The following ZNF792 variants were observed in gnomAD, a reference collection of about 807,000 sequenced individuals.
ZNF792 encodes zinc finger protein 792.
Under a neutral mutation model 13.1 loss-of-function variants are expected in ZNF792, and 14 were observed. That is an observed-to-expected ratio of 1.07 (90% CI 0.71 to 1.67). The LOEUF is 1.67. Among genes scored for constraint, ZNF792 ranks in the 40% most tolerant of loss-of-function variants. ZNF792 has a pLI of 0.00. For missense variants in ZNF792, 740 were observed against 807.9 expected, an observed-to-expected ratio of 0.92 and a Z score of 1.02; for synonymous variants, 257 against 292.0, an observed-to-expected ratio of 0.88 and a Z score of 1.22.
rs1161078089 is a variant in ZNF792 at position 34,957,680 on chromosome 19, G to A, written c.*276C>T. 2.7e-6 allele frequency: 1 copy of A among 374,352 alleles called. No homozygotes were observed. The highest frequency in any genetic ancestry group is 4.8e-6 in the Non-Finnish European group (1 of 209,758). 23.2% of individuals were successfully genotyped at this position (374,352 alleles called of 1,614,324 possible). A position where few individuals can be genotyped will look rare whatever the true frequency, so the allele number is the denominator to read the frequency against. ...CCTGCTCAGGTCTTCACAGCCAAAA[G>A]CTGGTCATGTCCATGGCTAAACCAG... On this transcript the variant is annotated 3_prime_UTR_variant, in exon 4 of 4. Transcript: ENST00000404801.
rs1218913470 is a variant in ZNF792 at position 34,957,705 on chromosome 19, GC to G, written c.*250del. On this transcript the variant is annotated 3_prime_UTR_variant, in exon 4 of 4. Coordinates refer to ENST00000404801, the MANE Select transcript of ZNF792 (RefSeq NM_175872.5). ...GCTGGTCATGTCCATGGCTAAACCA[GC>G]CATACAGGGCGGGAATGACATCTTC... The G allele has an allele frequency of 2.4e-6, 1 of 424,280 alleles. No individual in the cohort carries two copies. Among genetic ancestry groups the G allele is most frequent in the African/African-American group, 2.0e-5 (1 of 49,418 alleles). 26.3% of individuals were successfully genotyped at this position (424,280 alleles called of 1,614,324 possible).
rs190617021 is a variant in ZNF792, at chr19:34,957,091, G to C, written c.*865C>G. 6.6e-6 allele frequency: 1 copy of C among 152,220 alleles called. No individual in the cohort carries two copies. Among genetic ancestry groups the C allele is most frequent in the Admixed American group, 6.5e-5 (1 of 15,284 alleles). The allele number at this position is 152,220 out of a possible 1,614,324, so 9.4% of individuals were successfully genotyped here. On this transcript the variant is annotated 3_prime_UTR_variant, in exon 4 of 4. Transcript: ENST00000404801. ...TGGGCCTGGTATGTCTTACAGTTAAGAGATACCTGCCTAATGCTGAACTTC... is the reference window on the plus strand; with the variant it reads ...TGGGCCTGGTATGTCTTACAGTTAACAGATACCTGCCTAATGCTGAACTTC...
intron 3 of ZNF792, among the ~76,000 whole-genome samples, chr19:34,959,920 G>A (rs2013500707): frequency 1.3e-5 from 2 of 152,226 alleles, no homozygotes; most frequent in Non-Finnish European, 2.9e-5. Flanking sequence ...ACCTGCAACT[G>A]AGTAGCTGGT....
At chr19:34,960,190 A>G in intron 3 of ZNF792, 45 bp downstream of exon 3, 5 of 1,603,078 alleles carry the variant, frequency 3.1e-6, no homozygotes, top group Non-Finnish European at 4.3e-6. Flanking sequence ...TGATGTAAAC[A>G]CAGTGGTGAA....
At position 34,959,522 on chromosome 19, in the gene ZNF792, A is replaced by G. The variant is rs1231074617; in HGVS notation, c.333T>C (p.Val111=). The change falls in exon 4 of 4, where the codon GTT becomes GTC. Residue 111 remains valine, a synonymous_variant. Coordinates refer to ENST00000404801, the MANE Select transcript of ZNF792 (RefSeq NM_175872.5). ...EGKDLPSEHN[V]SVEGVAQDRS... ...TGTCCTGTGCCACTCCTTCTACAGAAACGTTATGCTCAGAAGGTAAGTCCT... is the reference window on the plus strand; with the variant it reads ...TGTCCTGTGCCACTCCTTCTACAGAGACGTTATGCTCAGAAGGTAAGTCCT... 2 of 1,581,520 alleles carry G rather than the reference A, an allele frequency of 1.3e-6. No individual in the cohort carries two copies. The highest frequency in any genetic ancestry group is 1.8e-5 in the Admixed American group (1 of 55,600).
Position 34,960,157 on chromosome 19 carries a change from G to A in ZNF792, c.283+78C>T. On this transcript the variant is annotated intron_variant, in intron 3 of 3. Transcript: ENST00000404801. ...ACTGGCATTGGTATCAAATGATGATGAATAGGAGAGAAGATGCTGGTATGA... is the reference window on the plus strand; with the variant it reads ...ACTGGCATTGGTATCAAATGATGATAAATAGGAGAGAAGATGCTGGTATGA... 8 of 1,567,264 alleles carry A rather than the reference G, an allele frequency of 5.1e-6. No individual in the cohort carries two copies. The South Asian group carries it at 6.8e-5, about 13-fold the overall frequency.
rs2013506087 is a variant in ZNF792, at chr19:34,960,251, A to AGAGCCAGGCTCTGCT, written c.266_267insAGCAGAGCCTGGCTC (p.Tyr89delinsTer). The AGAGCCAGGCTCTGCT allele has an allele frequency of 6.2e-7, 1 of 1,613,920 alleles. No homozygotes were observed. Among genetic ancestry groups the AGAGCCAGGCTCTGCT allele is most frequent in the East Asian group, 2.2e-5 (1 of 44,876 alleles). On this transcript the variant is annotated stop_gained, in exon 3 of 4. Coordinates refer to ENST00000404801, the MANE Select transcript of ZNF792 (RefSeq NM_175872.5). LOFTEE classifies it low-confidence loss of function (END_TRUNC). ...GCTGCTTACCAGAGCCAGGCCTGCC[A>AGAGCCAGGCTCTGCT]TAAGCCCCTCTGGCCATGGCTGATG...
At chr19:34,962,269 A>G (rs2013540457) in intron 1 of ZNF792, among the ~76,000 whole-genome samples, 1 of 152,218 alleles carries the variant, frequency 6.6e-6, no homozygotes, top group Non-Finnish European at 1.5e-5. Context: ...GAGAAAAGCC[A>G]AGGCTACTTA....
At position 34,958,516 on chromosome 19, in the gene ZNF792, C is replaced by T. The variant is rs149296824; in HGVS notation, c.1339G>A (p.Glu447Lys). 120 of 1,591,634 alleles carry T rather than the reference C, an allele frequency of 7.5e-5. 1 individual carries two copies. Among genetic ancestry groups the T allele is most frequent in the Non-Finnish European group, 8.8e-5 (103 of 1,168,176 alleles). Residue 447 changes from glutamate to lysine, a missense_variant, in exon 4 of 4, where the codon GAG (glutamate) becomes AAG (lysine). Glu to Lys is a moderately conservative substitution (Grantham distance 56). Transcript: ENST00000404801. ...LIQHQIVHTG[E>K]RPHGCGECGK... is the part of the protein sequence containing the mutation. ...CACTCACCACACCCGTGAGGCCGCT[C>T]GCCAGTGTGAACTATCTGATGTTGA...
rs146425557 is a variant in ZNF792, at chr19:34,958,905, T to A, written c.950A>T (p.Lys317Ile). The A allele has an allele frequency of 5.0e-6, 8 of 1,613,818 alleles. No homozygotes were observed. Among genetic ancestry groups the A allele is most frequent in the Non-Finnish European group, 6.8e-6 (8 of 1,179,858 alleles). ...GKPYECCECGKFFSQHSSLVK... is the reference protein window; with the variant it reads ...GKPYECCECGIFFSQHSSLVK... Reference sequence around the variant, plus strand: ...AAGGCTGGAGTGCTGGCTGAAGAATTTTCCACATTCACAGCACTCATACGG... The same window carrying A: ...AAGGCTGGAGTGCTGGCTGAAGAATATTCCACATTCACAGCACTCATACGG... The change falls in exon 4 of 4, where the codon AAA (lysine) becomes ATA (isoleucine). Residue 317 changes from lysine (K) to isoleucine (I), a missense_variant. Lys to Ile is a moderately radical substitution (Grantham distance 102, BLOSUM62 -3). Transcript: ENST00000404801.
chr19:34,960,909 C>T lies in ZNF792; in HGVS notation c.119G>A (p.Cys40Tyr). 2 of 1,614,046 alleles carry T rather than the reference C, an allele frequency of 1.2e-6. No individual in the cohort carries two copies. The highest frequency in any genetic ancestry group is 1.7e-6 in the Non-Finnish European group (2 of 1,179,958). Residue 40 changes from cysteine to tyrosine, a missense_variant, in exon 2 of 4, where the codon TGC (cysteine) becomes TAC (tyrosine). Coordinates refer to ENST00000404801, the MANE Select transcript of ZNF792 (RefSeq NM_175872.5). ...LLDEAQRLLY[C>Y]DVMLENFALI... is the part of the protein sequence containing the mutation. ...TGCAAAGTTTTCCAGCATCACATCG[C>T]AGTACAGGAGTCTCTGAGCCTCATC...
rs1157671700 is a variant in ZNF792, at chr19:34,956,446, G to A, written c.*1510C>T. 4 of 152,134 alleles carry A rather than the reference G, an allele frequency of 2.6e-5. No homozygotes were observed. The highest frequency in any genetic ancestry group is 4.8e-5 in the African/African-American group (2 of 41,418). The allele number at this position is 152,134 out of a possible 1,614,324, so 9.4% of individuals were successfully genotyped here. A position where few individuals can be genotyped will look rare whatever the true frequency, so the allele number is the denominator to read the frequency against. ...AAATGTAAATCAACGGTTTCCTAGG[G>A]AAGGCAAGGAGGGAATGTAAAGGGG... On this transcript the variant is annotated 3_prime_UTR_variant, in exon 4 of 4. Coordinates refer to ENST00000404801, the MANE Select transcript of ZNF792 (RefSeq NM_175872.5).
At position 34,961,008 on chromosome 19, in the gene ZNF792, GA is replaced by G. The variant is rs760967772; in HGVS notation, c.34-15del. ...GGTCACGCAGCCCTGCCATGATGGG[GA>G]CAGTTCGTTCCATGATCAGTCTCTG... On this transcript the variant is annotated splice_polypyrimidine_tract_variant and intron_variant, in intron 1 of 3. Transcript: ENST00000404801. 6.2e-7 allele frequency: 1 copy of G among 1,608,326 alleles called. No individual in the cohort carries two copies. The highest frequency in any genetic ancestry group is 8.5e-7 in the Non-Finnish European group (1 of 1,176,490).
rs145626872 is a variant in ZNF792 at position 34,958,260 on chromosome 19, C to T, written c.1595G>A (p.Arg532Gln). The T allele has an allele frequency of 7.9e-5, 128 of 1,613,328 alleles. No homozygotes were observed. The African/African-American group carries it at 1.1e-3, about 13-fold the overall frequency. Residue 532 changes from arginine (R) to glutamine (Q), a missense_variant, in exon 4 of 4, where the codon CGG becomes CAG. Arg to Gln is a conservative substitution (Grantham distance 43). Coordinates refer to ENST00000404801, the MANE Select transcript of ZNF792 (RefSeq NM_175872.5). ...CCCACATTCGCTGCACTCATAAGGC[C>T]GCTCGCCGGTGTGAAGTCTCCGGTG... ...NNHRRLHTGE[R>Q]PYECSECGKT...
Position 34,963,715 on chromosome 19 carries a change from G to C in ZNF792, c.-53C>G. 2 of 1,523,020 alleles carry C rather than the reference G, an allele frequency of 1.3e-6. No individual in the cohort carries two copies. Among genetic ancestry groups the C allele is most frequent in the Non-Finnish European group, 1.8e-6 (2 of 1,137,426 alleles). 94.3% of individuals were successfully genotyped at this position (1,523,020 alleles called of 1,614,324 possible). On this transcript the variant is annotated 5_prime_UTR_variant, in exon 1 of 4. Coordinates refer to ENST00000404801, the MANE Select transcript of ZNF792 (RefSeq NM_175872.5). ...ACGGTGCGGGAAACCACGGGGCGGG[G>C]GTAGGGGGTCTCGCAGGCTGAGGCT... is the stretch of plus-strand genomic sequence containing the variant.
Position 34,957,298 on chromosome 19 carries a change from T to C in ZNF792, c.*658A>G, listed in dbSNP as rs1054986199. Reference sequence around the variant, plus strand: ...CATTCAGACCACAATATTATACCCATAAATTCCTACAATTTTTCCTAGGAG... The same window carrying C: ...CATTCAGACCACAATATTATACCCACAAATTCCTACAATTTTTCCTAGGAG... On this transcript the variant is annotated 3_prime_UTR_variant, in exon 4 of 4. Transcript: ENST00000404801. 3 of 152,180 alleles carry C rather than the reference T, an allele frequency of 2.0e-5. No homozygotes were observed. Among genetic ancestry groups the C allele is most frequent in the African/African-American group, 4.8e-5 (2 of 41,436 alleles). The allele number at this position is 152,180 out of a possible 1,614,324, so 9.4% of individuals were successfully genotyped here.
In ZNF792 at chr19:34,958,429, G is replaced by A. The variant is rs781129694; in HGVS notation, c.1426C>T (p.Arg476Trp). Residue 476 changes from arginine to tryptophan, a missense_variant, in exon 4 of 4, where the codon CGG becomes TGG. Physicochemically the swap from Arg to Trp is moderately radical, Grantham distance 101. Coordinates refer to ENST00000404801, the MANE Select transcript of ZNF792 (RefSeq NM_175872.5). The stretch of plus-strand genomic sequence containing the variant: ...CCACATTCATTGCATTCATAAGGCC[G>A]CTCACCAGTGTGAACTCGCTGATGT... ...MKHQRVHTGE[R>W]PYECNECGKL... 1.7e-5 allele frequency: 27 copies of A among 1,610,516 alleles called. No individual in the cohort carries two copies. Among genetic ancestry groups the A allele is most frequent in the East Asian group, 2.2e-5 (1 of 44,750 alleles).
rs2013506747 is a variant in ZNF792, at chr19:34,960,271, C to G, written c.247G>C (p.Ala83Pro). 1.9e-6 allele frequency: 3 copies of G among 1,613,812 alleles called. No individual in the cohort carries two copies. The highest frequency in any genetic ancestry group is 2.5e-6 in the Non-Finnish European group (3 of 1,179,848). ...WVPDSVDMTS[A>P]MARGAYGRPG... ...CTGCCATAAGCCCCTCTGGCCATGG[C>G]TGATGTCATATCCACACTGTCAGGC... Residue 83 changes from alanine (A) to proline (P), a missense_variant, in exon 3 of 4, where the codon GCC (alanine) becomes CCC (proline). Ala to Pro is a conservative substitution (Grantham distance 27, BLOSUM62 -1). Coordinates refer to ENST00000404801, the MANE Select transcript of ZNF792 (RefSeq NM_175872.5).
At position 34,959,495 on chromosome 19, in the gene ZNF792, C is replaced by G; in HGVS notation, c.360G>C (p.Arg120Ser). 1.9e-6 allele frequency: 3 copies of G among 1,608,806 alleles called. No individual in the cohort carries two copies. The highest frequency in any genetic ancestry group is 2.5e-6 in the Non-Finnish European group (3 of 1,176,948). ...GGGGGCACAGAGTTGCCTCGGGACT[C>G]CTGTCCTGTGCCACTCCTTCTACAG... Reference protein sequence around the residue: ...NVSVEGVAQDRSPEATLCPQK... With the variant: ...NVSVEGVAQDSSPEATLCPQK... Residue 120 changes from arginine (R) to serine (S), a missense_variant, in exon 4 of 4, where the codon AGG becomes AGC. Coordinates refer to ENST00000404801, the MANE Select transcript of ZNF792 (RefSeq NM_175872.5).
Sources: gnomAD v4.1 joint callset for allele counts (sites outside exome capture counted in the v4.1 genomes callset) on GRCh38, gnomAD v4.1.1 for gene constraint, MANE v1.5 for transcripts, NCBI Gene and HGNC (gene_info 2026-07-23, HGNC 2026-07-21) for gene names.